RDH12: variants seen among roughly 807,000 people sequenced by gnomAD.
The protein encoded by RDH12 is all-trans and 9-cis retinol dehydrogenase.
A neutral mutation model predicts 34.0 loss-of-function variants in RDH12; 21 were observed. The ratio of observed to expected loss-of-function variants is 0.62; its 90% CI spans 0.44 to 0.89. The LOEUF (loss-of-function observed/expected upper bound fraction) is 0.89, where lower values mean the gene tolerates loss of function less well. RDH12 is among the 40% of genes least tolerant of loss of function. RDH12 has a pLI of 0.00. For synonymous variants in RDH12, 198 were observed against 169.9 expected, an observed-to-expected ratio of 1.17 and a Z score of -1.29; for missense variants, 394 against 398.6, an observed-to-expected ratio of 0.99 and a Z score of 0.10.
At chr14:67,714,072 TCACAGTAG>T (rs2038040948) in intron 1 of RDH12, among the ~76,000 whole-genome samples, 2 of 152,232 alleles carry the variant, frequency 1.3e-5, no homozygotes, top group Non-Finnish European at 2.9e-5. Context: ...ATGTTTCCTT[TCACAGTAG>T]CAACTATTAG....
intron 1 of RDH12, among the ~76,000 whole-genome samples, chr14:67,720,261 A>C (rs768472424): frequency 6.6e-6 from 1 of 152,032 alleles, no homozygotes; most frequent in Non-Finnish European, 1.5e-5. Context: ...GATTTGTAAG[A>C]GTTCTTTATC....
chr14:67,725,334 T>C (rs2038172923), intron 5 of RDH12, 80 bp downstream of exon 5: 2 of 1,435,606 alleles, frequency 1.4e-6, no homozygotes, highest in Non-Finnish European at 1.9e-6. Flanking sequence ...TCTATGGCCC[T>C]TACATCAGAA....
At chr14:67,709,274 G>A (rs915177936) in intron 1 of RDH12, among the ~76,000 whole-genome samples, 8 of 152,272 alleles carry the variant, frequency 5.3e-5, no homozygotes, top group African/African-American at 1.9e-4. Flanking sequence ...CAAAAAAGGT[G>A]AAAACCTTCA....
chr14:67,727,377 G>A (rs1472380349), intron 7 of RDH12, 187 bp downstream of exon 7: 1 of 588,854 alleles, frequency 1.7e-6, no homozygotes, highest in South Asian at 1.9e-5. Context: ...TCAAATAGGG[G>A]TTAAGAACCT....
intron 2 of RDH12, among the ~76,000 whole-genome samples, chr14:67,722,054 C>T (rs2038129859): frequency 6.6e-6 from 1 of 152,082 alleles, no homozygotes; most frequent in African/African-American, 2.4e-5. Flanking sequence ...GTACTAGCAC[C>T]CAGATGAAAG....
intron 1 of RDH12, among the ~76,000 whole-genome samples, chr14:67,704,359 A>AT (rs1050179435): frequency 6.6e-6 from 1 of 152,172 alleles, no homozygotes; most frequent in African/African-American, 2.4e-5. Flanking sequence ...TTTTAAAATA[A>AT]TTTTTTTAGA....
Position 67,721,775 on chromosome 14 carries a change from T to C in RDH12, c.-219-649T>C, listed in dbSNP as rs553189298. 1.2e-4 allele frequency among the ~76,000 whole-genome samples: 18 copies of C among 150,138 alleles called. No homozygotes were observed. In the South Asian group the frequency reaches 2.3e-3, roughly 19 times the overall value. On this transcript the variant is annotated intron_variant, in intron 2 of 8. Transcript: ENST00000551171. Reference sequence around the variant, plus strand: ...TATATATATATATATGTATAACACATATATATATAAAACCATATATTATAT... The same window carrying C: ...TATATATATATATATGTATAACACACATATATATAAAACCATATATTATAT...
At chr14:67,732,576 T>C (rs1398689693) in intron 8 of RDH12, among the ~76,000 whole-genome samples, 3 of 147,054 alleles carry the variant, frequency 2.0e-5, no homozygotes, top group South Asian at 4.5e-4. Context: ...AACTAAATGA[T>C]AGACTTTTCT....
rs146526180 is a variant in RDH12, at chr14:67,729,231, C to A, written c.699C>A (p.Val233=). ...CCTACGCAGTGCACCCAGGCGTCGT[C>A]CGCTCTGAGCTGGTCCGGCACTCCT... ...VTTYAVHPGV[V]RSELVRHSSL... is the part of the protein sequence containing the mutation. The change falls in exon 8 of 9, where the codon GTC becomes GTA. Residue 233 remains valine, a synonymous_variant. Coordinates refer to ENST00000551171, the MANE Select transcript of RDH12 (RefSeq NM_152443.3). 5.0e-6 allele frequency: 8 copies of A among 1,611,358 alleles called. No individual in the cohort carries two copies. The African/African-American group carries it at 1.1e-4, about 22-fold the overall frequency.
intron 1 of RDH12, among the ~76,000 whole-genome samples, chr14:67,715,924 A>G (rs1401620676): frequency 6.6e-6 from 1 of 152,214 alleles, no homozygotes; most frequent in Non-Finnish European, 1.5e-5. Context: ...GGCCGGGGGC[A>G]GTGGCTTACG....
intron 1 of RDH12, among the ~76,000 whole-genome samples, chr14:67,715,431 G>T (rs1332125017): frequency 6.6e-6 from 1 of 152,178 alleles, no homozygotes; most frequent in East Asian, 1.9e-4. Context: ...TCCTGATGTT[G>T]GATGCCTATG....
intron 1 of RDH12, among the ~76,000 whole-genome samples, chr14:67,720,520 T>C (rs915838369): frequency 1.1e-4 from 16 of 152,236 alleles, no homozygotes; most frequent in African/African-American, 3.9e-4. Flanking sequence ...AGGATCAAGT[T>C]TGCTTTTTCC....
intron 1 of RDH12, among the ~76,000 whole-genome samples, chr14:67,708,792 A>G (rs1369924916): frequency 7.1e-6 from 1 of 141,088 alleles, no homozygotes; most frequent in East Asian, 2.2e-4. Flanking sequence ...TATTAATAAT[A>G]CCTTTTTTTT....
rs761231974 is a variant in RDH12, at chr14:67,724,543, G to A, written c.139G>A (p.Ala47Thr). Residue 47 changes from alanine to threonine, a missense_variant, in exon 4 of 9, where the codon GCC (alanine) becomes ACC (threonine). Transcript: ENST00000551171. ...LPGKVVVITG[A>T]NTGIGKETAR... Reference sequence around the variant, plus strand: ...TGGCAAGGTAGTGGTGATCACTGGCGCCAACACGGGCATTGGCAAGGAGAC... The same window carrying A: ...TGGCAAGGTAGTGGTGATCACTGGCACCAACACGGGCATTGGCAAGGAGAC... The A allele has an allele frequency of 1.3e-5, 21 of 1,613,806 alleles. No homozygotes were observed. Among genetic ancestry groups the A allele is most frequent in the Admixed American group, 5.0e-5 (3 of 59,988 alleles).
In RDH12 at chr14:67,729,204, C is replaced by T. The variant is rs2038231853; in HGVS notation, c.672C>T (p.Thr224=). 3.1e-6 allele frequency: 5 copies of T among 1,612,732 alleles called. No homozygotes were observed. Among genetic ancestry groups the T allele is most frequent in the Non-Finnish European group, 4.2e-6 (5 of 1,180,006 alleles). ...LAKRLQGTGV[T]TYAVHPGVVR... ...TCTTTGTCCCAGGCACCGGGGTCAC[C>T]ACCTACGCAGTGCACCCAGGCGTCG... The change falls in exon 8 of 9, where the codon ACC becomes ACT. Residue 224 remains threonine (T), a synonymous_variant. Transcript: ENST00000551171.
rs151004432 is a variant in RDH12, at chr14:67,707,159, A to G, written c.-275+5224A>G. On this transcript the variant is annotated intron_variant, in intron 1 of 8. Transcript: ENST00000551171. Reference sequence around the variant, plus strand: ...CAACTTAGTTTTTTAGTGACTCCAAATTAGGAAAAATGGGGAAAAAAGAAG... The same window carrying G: ...CAACTTAGTTTTTTAGTGACTCCAAGTTAGGAAAAATGGGGAAAAAAGAAG... Among the ~76,000 whole-genome samples, 408 of 152,312 alleles carry G rather than the reference A, an allele frequency of 2.7e-3. 1 individual carries two copies. Among genetic ancestry groups the G allele is most frequent in the African/African-American group, 9.5e-3 (395 of 41,572 alleles).
intron 1 of RDH12, among the ~76,000 whole-genome samples, chr14:67,719,854 ACTAT>A (rs2038104354): frequency 6.6e-6 from 1 of 152,162 alleles, no homozygotes; most frequent in African/African-American, 2.4e-5. Context: ...ACAGCTGTAT[ACTAT>A]CTATTATGTG....
intron 8 of RDH12, among the ~76,000 whole-genome samples, chr14:67,730,004 C>T (rs718213): frequency 0.043 from 6,562 of 152,168 alleles, 262 homozygotes; most frequent in East Asian, 0.14. Context: ...GTATTTATTC[C>T]GTGAAGCACT....
intron 8 of RDH12, chr14:67,729,740 A>T (rs1289883059): frequency 2.0e-6 from 1 of 509,660 alleles, no homozygotes; most frequent in Admixed American, 2.2e-5. Context: ...TTTAAATACC[A>T]ATTAGCACAA....
Sources: gnomAD v4.1 joint callset for allele counts (sites outside exome capture counted in the v4.1 genomes callset) on GRCh38, gnomAD v4.1.1 for gene constraint, MANE v1.5 for transcripts, NCBI Gene and HGNC (gene_info 2026-07-23, HGNC 2026-07-21) for gene names.